Variants in CPQ observed in about 807,000 individuals in gnomAD.
CPQ encodes the protein carboxypeptidase Q.
CPQ carries 37 observed loss-of-function variants against 45.7 expected under a neutral mutation model. That is an observed-to-expected ratio of 0.81 (90% CI 0.62 to 1.07). CPQ has a LOEUF of 1.07. Ranked by LOEUF, CPQ falls within the 50% of genes least tolerant of loss-of-function variation. CPQ has a pLI of 0.00. For missense variants in CPQ, 537 were observed against 572.9 expected (o/e 0.94, Z 0.64); for synonymous variants, 186 against 205.8 (o/e 0.90, Z 0.82).
rs138319108 is a variant in CPQ, at chr8:96,835,761, A to C, written c.641+581A>C. On this transcript the variant is annotated intron_variant, in intron 3 of 7. Coordinates refer to ENST00000220763, the MANE Select transcript of CPQ (RefSeq NM_016134.4). ...TAAAGAATAATAATAAATGTACAAA[A>C]TAATTTTGAGATTAAATGAGGTCAA... Among the ~76,000 whole-genome samples the C allele has an allele frequency of 9.1e-3, 1,383 of 152,330 alleles. 57 individuals are homozygous for C. The highest frequency in any genetic ancestry group is 0.082 in the Admixed American group (1,260 of 15,294).
intron 4 of CPQ, among the ~76,000 whole-genome samples, chr8:96,894,703 T>A (rs1160473215): frequency 6.6e-6 from 1 of 152,196 alleles, no homozygotes; most frequent in Non-Finnish European, 1.5e-5. Context: ...ACTTCAAAAT[T>A]TTTTTAAAGT....
chr8:96,795,947 AGTT>A (rs1810921926), intron 2 of CPQ, among the ~76,000 whole-genome samples: 1 of 152,184 alleles, frequency 6.6e-6, no homozygotes, highest in Admixed American at 6.5e-5. Context: ...TAGTGGTTTT[AGTT>A]GTTTAAAAAT....
chr8:96,982,446 C>A (rs58307183), intron 5 of CPQ, among the ~76,000 whole-genome samples: 5,087 of 152,186 alleles, frequency 0.033, 287 homozygotes, highest in African/African-American at 0.11. Context: ...TCAAATGATC[C>A]TCCCACCTCG....
intron 4 of CPQ, among the ~76,000 whole-genome samples, chr8:96,880,523 A>G (rs1178694410): frequency 1.7e-3 from 2 of 1,146 alleles, no homozygotes; most frequent in Non-Finnish European, 3.5e-3. Flanking sequence ...ATGGTCATAT[A>G]TATATATATA....
At chr8:96,863,794 C>T (rs1052691777) in intron 3 of CPQ, among the ~76,000 whole-genome samples, 27 of 152,072 alleles carry the variant, frequency 1.8e-4, no homozygotes, top group African/African-American at 6.5e-4. Flanking sequence ...GACAGCATTG[C>T]TAAGGAGTTT....
intron 2 of CPQ, among the ~76,000 whole-genome samples, chr8:96,826,694 A>C (rs1811383745): frequency 6.6e-6 from 1 of 151,824 alleles, no homozygotes; most frequent in Non-Finnish European, 1.5e-5. Context: ...AACGTGTGCC[A>C]TGGTGGTTTG....
chr8:96,918,677 G>A (rs139075336), intron 4 of CPQ, among the ~76,000 whole-genome samples: 4 of 152,094 alleles, frequency 2.6e-5, no homozygotes, highest in Non-Finnish European at 2.9e-5. Flanking sequence ...TTCTATGTAG[G>A]CTTTCATTTC....
At chr8:96,682,747 T>C (rs1310492608) in intron 1 of CPQ, among the ~76,000 whole-genome samples, 2 of 152,230 alleles carry the variant, frequency 1.3e-5, no homozygotes, top group Non-Finnish European at 2.9e-5. Context: ...TTTTATCTGA[T>C]ATAACTATCA....
intron 3 of CPQ, among the ~76,000 whole-genome samples, chr8:96,841,879 C>G (rs563240701): frequency 1.3e-5 from 2 of 152,054 alleles, no homozygotes; most frequent in Non-Finnish European, 2.9e-5. Flanking sequence ...TGAAAAAGTA[C>G]ATAAATCAAT....
intron 1 of CPQ, among the ~76,000 whole-genome samples, chr8:96,662,012 T>C (rs1287703293): frequency 6.6e-6 from 1 of 152,220 alleles, no homozygotes; most frequent in East Asian, 1.9e-4. Context: ...CTTGTTTTCT[T>C]TTCCATTTCC....
chr8:96,880,636 G>A (rs145087912), intron 4 of CPQ, among the ~76,000 whole-genome samples: 60 of 145,684 alleles, frequency 4.1e-4, no homozygotes, highest in African/African-American at 1.5e-3. Context: ...CAGCAAGATG[G>A]GCACAACTGA....
chr8:96,891,264 A>G (rs1484270017), intron 4 of CPQ, among the ~76,000 whole-genome samples: 1 of 152,228 alleles, frequency 6.6e-6, no homozygotes, highest in Non-Finnish European at 1.5e-5. Flanking sequence ...GGGCAAACCC[A>G]TATGTCTATT....
chr8:96,878,791 G>A (rs1812182099), intron 3 of CPQ, among the ~76,000 whole-genome samples: 1 of 152,198 alleles, frequency 6.6e-6, no homozygotes, highest in African/African-American at 2.4e-5. Flanking sequence ...GAAAGGAGGA[G>A]GAGGGCTGTT....
chr8:97,029,546 A>G (rs1809861149), intron 6 of CPQ, 52 bp downstream of exon 6: 1 of 1,461,846 alleles, frequency 6.8e-7, no homozygotes, highest in African/African-American at 1.4e-5. Context: ...ATATACAAAA[A>G]TCCCTCTCAT....
chr8:97,050,927 A>C (rs1254826263), intron 6 of CPQ, among the ~76,000 whole-genome samples: 5 of 152,172 alleles, frequency 3.3e-5, no homozygotes, highest in African/African-American at 4.8e-5. Context: ...ATAGCCCTTC[A>C]AATAAATATA....
At chr8:96,760,041 T>G (rs560132696) in intron 1 of CPQ, among the ~76,000 whole-genome samples, 16 of 152,182 alleles carry the variant, frequency 1.1e-4, no homozygotes, top group Non-Finnish European at 8.8e-5. Flanking sequence ...TTCCCTGATT[T>G]CAGGCCTCAG....
chr8:96,735,778 G>A (rs1399871956), intron 1 of CPQ, among the ~76,000 whole-genome samples: 1 of 152,026 alleles, frequency 6.6e-6, no homozygotes, highest in African/African-American at 2.4e-5. Flanking sequence ...TCTTCTTTCA[G>A]GTGCCTGCCC....
At chr8:96,775,235 A>G (rs1810590833) in intron 1 of CPQ, among the ~76,000 whole-genome samples, 1 of 152,204 alleles carries the variant, frequency 6.6e-6, no homozygotes, top group African/African-American at 2.4e-5. Flanking sequence ...CTCTTTTTTA[A>G]AAACAAATAA....
intron 2 of CPQ, among the ~76,000 whole-genome samples, chr8:96,786,097 G>T (rs977568948): frequency 6.6e-6 from 1 of 152,118 alleles, no homozygotes; most frequent in Non-Finnish European, 1.5e-5. Flanking sequence ...TATTCACAGA[G>T]TTGTGCAGCC....
Sources: allele counts gnomAD v4.1 joint callset (sites outside exome capture counted in the v4.1 genomes callset), GRCh38; gene constraint gnomAD v4.1.1; transcripts MANE v1.5; gene names NCBI Gene and HGNC (gene_info 2026-07-23, HGNC 2026-07-21).